Variants in LAMA2 observed in about 807,000 individuals in gnomAD.
LAMA2 encodes laminin subunit alpha 2, also known as laminin subunit alpha-2.
LAMA2 carries 269 observed loss-of-function variants against 364.8 expected under a neutral mutation model. That is an observed-to-expected ratio of 0.74 (90% CI 0.67 to 0.82). The LOEUF (loss-of-function observed/expected upper bound fraction) is 0.82, where lower values mean the gene tolerates loss of function less well. LAMA2 is among the 40% of genes least tolerant of loss of function. LAMA2 has a pLI of 0.00. For missense variants in LAMA2, 3,807 were observed against 3,873.2 expected (o/e 0.98, Z 0.45); for synonymous variants, 1,379 against 1,370.6 (o/e 1.01, Z -0.14).
chr6:129,055,853 T>A (rs1788445129), intron 2 of LAMA2, among the ~76,000 whole-genome samples: 1 of 152,244 alleles, frequency 6.6e-6, no homozygotes, highest in Non-Finnish European at 1.5e-5. Flanking sequence ...TATTTATCCC[T>A]GTTGAGGATG....
chr6:129,168,886 T>C, intron 9 of LAMA2, among the ~76,000 whole-genome samples: 1 of 148,352 alleles, frequency 6.7e-6, no homozygotes, highest in East Asian at 2.0e-4. Context: ...TTCACATCCC[T>C]TGTAAGTTGG....
chr6:129,189,486 C>A (rs944107802), intron 10 of LAMA2, among the ~76,000 whole-genome samples: 1 of 151,962 alleles, frequency 6.6e-6, no homozygotes, highest in Non-Finnish European at 1.5e-5. Flanking sequence ...AATAATTTTT[C>A]AGTATACTGA....
intron 34 of LAMA2, among the ~76,000 whole-genome samples, chr6:129,374,843 C>A (rs1477902378): frequency 2.0e-5 from 3 of 151,738 alleles, no homozygotes; most frequent in Admixed American, 6.6e-5. Flanking sequence ...CCTCAGCCTC[C>A]CAAAGTGCTG....
intron 10 of LAMA2, among the ~76,000 whole-genome samples, chr6:129,182,719 T>C (rs914331580): frequency 7.3e-5 from 11 of 151,712 alleles, no homozygotes; most frequent in Middle Eastern, 3.2e-3. Flanking sequence ...AAGTACTAAT[T>C]TCAGAATAGT....
intron 4 of LAMA2, among the ~76,000 whole-genome samples, chr6:129,140,328 AAG>A (rs1234977692): frequency 6.6e-6 from 1 of 152,116 alleles, no homozygotes; most frequent in Non-Finnish European, 1.5e-5. Flanking sequence ...TGGTTATAAA[AAG>A]AGATGTTTCT....
At chr6:129,330,324 C>T (rs1009611309) in intron 29 of LAMA2, among the ~76,000 whole-genome samples, 7 of 152,050 alleles carry the variant, frequency 4.6e-5, no homozygotes, top group East Asian at 3.9e-4. Context: ...ACATTGGAGA[C>T]GCTGCTCTAC....
At chr6:129,032,443 G>A (rs144439814) in intron 1 of LAMA2, among the ~76,000 whole-genome samples, 21 of 152,270 alleles carry the variant, frequency 1.4e-4, no homozygotes, top group African/African-American at 3.6e-4. Flanking sequence ...GTGAAGGAGC[G>A]TTAAGGAACA....
intron 12 of LAMA2, among the ~76,000 whole-genome samples, chr6:129,241,896 C>T (rs950420152): frequency 3.9e-5 from 6 of 152,094 alleles, no homozygotes; most frequent in South Asian, 4.2e-4. Context: ...GCAGAGTTCA[C>T]GAATGAGGGA....
intron 43 of LAMA2, chr6:129,442,699 A>T: frequency 3.2e-6 from 1 of 311,408 alleles, no homozygotes; most frequent in Non-Finnish European, 6.1e-6. Flanking sequence ...CCTCCAAAAG[A>T]ATTCCATTCT....
intron 37 of LAMA2, among the ~76,000 whole-genome samples, chr6:129,395,702 C>G (rs1779576337): frequency 6.6e-6 from 1 of 152,182 alleles, no homozygotes; most frequent in Non-Finnish European, 1.5e-5. Flanking sequence ...CAGGCGTAAG[C>G]AAAGGAGGGA....
intron 22 of LAMA2, 24 bp from the exon 23 acceptor site, chr6:129,312,837 T>A: frequency 6.7e-7 from 1 of 1,501,920 alleles, no homozygotes; most frequent in Non-Finnish European, 9.3e-7. Flanking sequence ...GTGTTAATGG[T>A]TGCTGTTTTT....
intron 12 of LAMA2, among the ~76,000 whole-genome samples, chr6:129,216,336 AC>A (rs1276185997): frequency 6.6e-6 from 1 of 152,240 alleles, no homozygotes; most frequent in Non-Finnish European, 1.5e-5. Context: ...ATAGTCTGGC[AC>A]ATTATATAAA....
At chr6:129,087,808 A>T (rs1449787844) in intron 3 of LAMA2, among the ~76,000 whole-genome samples, 1 of 151,904 alleles carries the variant, frequency 6.6e-6, no homozygotes, top group East Asian at 1.9e-4. Flanking sequence ...GGCTACTCTT[A>T]AGAAAGTCCC....
chr6:129,373,558 A>G (rs1314303250), intron 34 of LAMA2, among the ~76,000 whole-genome samples: 1 of 152,140 alleles, frequency 6.6e-6, no homozygotes, highest in Non-Finnish European at 1.5e-5. Context: ...TTCAGTGTTT[A>G]CTGAATGTTT....
At chr6:129,254,856 C>T (rs1281121121) in intron 14 of LAMA2, among the ~76,000 whole-genome samples, 1 of 152,100 alleles carries the variant, frequency 6.6e-6, no homozygotes. Context: ...TTTTATGAAG[C>T]ACCTATATTA....
At chr6:129,394,630 A>G (rs2437093) in intron 37 of LAMA2, among the ~76,000 whole-genome samples, 101,327 of 152,056 alleles carry the variant, frequency 0.67, 34,386 homozygotes, top group Non-Finnish European at 0.74. Context: ...AGCATGATTC[A>G]CCCTGCTCGG....
At position 128,883,267 on chromosome 6, in the gene LAMA2, C is replaced by T. The variant is rs957189805; in HGVS notation, c.22C>T (p.Leu8Phe). Residue 8 changes from leucine to phenylalanine, a missense_variant, in exon 1 of 65, where the codon CTC (leucine) becomes TTC (phenylalanine). Leu to Phe is a conservative substitution (Grantham distance 22). This residue lies in a region of LAMA2 where 394 missense variants were observed against 403.5 expected (regional missense o/e 0.98). Coordinates refer to ENST00000421865, the MANE Select transcript of LAMA2 (RefSeq NM_000426.4). ...TACGATGCCGGGAGCCGCCGGGGTC[C>T]TCCTCCTTCTGCTGCTCTCCGGAGG... MPGAAGV[L>F]LLLLLSGGLG... The T allele has an allele frequency of 1.3e-6, 2 of 1,561,406 alleles. No homozygotes were observed. The highest frequency in any genetic ancestry group is 1.7e-6 in the Non-Finnish European group (2 of 1,152,920).
At chr6:129,315,380 A>T (rs574431916) in intron 24 of LAMA2, 96 bp from the exon 25 acceptor site, 191 of 1,030,112 alleles carry the variant, frequency 1.9e-4, no homozygotes, top group Non-Finnish European at 2.6e-4. Context: ...CAGAATGGGT[A>T]TAGGAACTGC....
intron 3 of LAMA2, among the ~76,000 whole-genome samples, chr6:129,066,065 A>C (rs1181332073): frequency 1.9e-4 from 1 of 5,380 alleles, no homozygotes; most frequent in South Asian, 6.3e-3. Context: ...TTTTTTTTTG[A>C]GACGCAGTCT....
Sources: gnomAD v4.1 joint callset for allele counts (sites outside exome capture counted in the v4.1 genomes callset) on GRCh38, gnomAD v4.1.1 for gene constraint, gnomAD v4.1.1 regional missense constraint, MANE v1.5 for transcripts, NCBI Gene and HGNC (gene_info 2026-07-23, HGNC 2026-07-21) for gene names.